RNF141: variants seen among roughly 807,000 people sequenced by gnomAD.
RNF141 encodes the protein C3HC4-like zinc finger protein.
Under a neutral mutation model 27.4 loss-of-function variants are expected in RNF141, and 18 were observed. That is an observed-to-expected ratio of 0.66 (90% CI 0.45 to 0.97). The LOEUF (loss-of-function observed/expected upper bound fraction) is 0.97. RNF141 is among the 50% of genes least tolerant of loss of function. RNF141 has a pLI of 0.00. For missense variants in RNF141, 230 were observed against 279.4 expected (o/e 0.82, Z 1.26); for synonymous variants, 97 against 96.6 (o/e 1.00, Z -0.02).
intron 5 of RNF141, chr11:10,516,170 A>G (rs942398734): frequency 6.6e-6 from 1 of 152,246 alleles, no homozygotes; most frequent in Non-Finnish European, 1.5e-5. Flanking sequence ...CTAGTTCTTC[A>G]GAGGTATTTT....
At chr11:10,529,412 C>T (rs907689153) in intron 3 of RNF141, among the ~76,000 whole-genome samples, 11 of 152,094 alleles carry the variant, frequency 7.2e-5, no homozygotes, top group Admixed American at 7.2e-4. Context: ...GAATGGACAT[C>T]CTAGTTGAGA....
chr11:10,523,489 T>A (rs1386690063), intron 4 of RNF141, among the ~76,000 whole-genome samples: 2 of 152,224 alleles, frequency 1.3e-5, no homozygotes, highest in African/African-American at 4.8e-5. Context: ...ACCCTGTAAG[T>A]AATCAATAAA....
chr11:10,533,008 G>A (rs1263883543), intron 2 of RNF141, among the ~76,000 whole-genome samples: 3 of 152,162 alleles, frequency 2.0e-5, no homozygotes, highest in African/African-American at 4.8e-5. Flanking sequence ...CACATACTAT[G>A]TGCTTAGTGA....
intron 4 of RNF141, among the ~76,000 whole-genome samples, chr11:10,521,916 T>G (rs1276293288): frequency 1.3e-5 from 2 of 152,300 alleles, no homozygotes; most frequent in East Asian, 3.9e-4. Context: ...GAACGTGTCC[T>G]GACAAGCAAA....
chr11:10,534,808 T>C (rs1360300617), intron 1 of RNF141, among the ~76,000 whole-genome samples: 6 of 152,154 alleles, frequency 3.9e-5, no homozygotes, highest in Non-Finnish European at 7.4e-5. Context: ...TGGCTCACAA[T>C]ATATTTACAT....
chr11:10,519,750 CG>C (rs1374922955), intron 4 of RNF141, among the ~76,000 whole-genome samples: 1 of 146,842 alleles, frequency 6.8e-6, no homozygotes, highest in Non-Finnish European at 1.5e-5. Flanking sequence ...TGTGTAAATA[CG>C]GTATACAAGA....
chr11:10,534,225 G>T lies in RNF141; in HGVS notation c.-47-20C>A. On this transcript the variant is annotated intron_variant, in intron 1 of 5. Transcript: ENST00000265981. ...TAGTTTCTGTCAAATATACAGAAAA[G>T]TTACTTTTACATATTATACAAAAAC... 2 of 1,534,588 alleles carry T rather than the reference G, an allele frequency of 1.3e-6. No homozygotes were observed. Among genetic ancestry groups the T allele is most frequent in the Non-Finnish European group, 1.8e-6 (2 of 1,132,454 alleles).
chr11:10,531,914 G>C, intron 2 of RNF141: 2 of 396,324 alleles, frequency 5.0e-6, no homozygotes, highest in Admixed American at 6.5e-5. Flanking sequence ...TCCTGTATAG[G>C]TTTAATTCTA....
At chr11:10,535,025 T>C (rs1056332219) in intron 1 of RNF141, among the ~76,000 whole-genome samples, 6 of 151,882 alleles carry the variant, frequency 4.0e-5, no homozygotes, top group African/African-American at 1.2e-4. Context: ...ATATATCTAA[T>C]TATCAAGTTT....
At chr11:10,532,965 G>A (rs1383973193) in intron 2 of RNF141, among the ~76,000 whole-genome samples, 2 of 152,182 alleles carry the variant, frequency 1.3e-5, no homozygotes, top group African/African-American at 4.8e-5. Flanking sequence ...TTGGCCCTCA[G>A]TTAAAAGGTC....
chr11:10,525,083 A>AG (rs1216153685), intron 4 of RNF141, 109 bp downstream of exon 4: 1 of 871,386 alleles, frequency 1.1e-6, no homozygotes, highest in Non-Finnish European at 1.7e-6. Flanking sequence ...CCAACTGAGA[A>AG]AAAAAAAAGA....
chr11:10,522,615 A>G (rs1053967696), intron 4 of RNF141, among the ~76,000 whole-genome samples: 3 of 152,240 alleles, frequency 2.0e-5, no homozygotes, highest in African/African-American at 7.2e-5. Context: ...CCTTGAGAAC[A>G]GAAGGTTCAG....
At chr11:10,515,166 G>A in intron 5 of RNF141, 100 bp from the exon 6 acceptor site, 1 of 1,290,324 alleles carries the variant, frequency 7.7e-7, no homozygotes. Context: ...AAAGGAAATA[G>A]CATAGAAATA....
At chr11:10,538,096 G>A (rs1232280911) in intron 1 of RNF141, among the ~76,000 whole-genome samples, 1 of 152,182 alleles carries the variant, frequency 6.6e-6, no homozygotes, top group Non-Finnish European at 1.5e-5. Flanking sequence ...GTTATTAATA[G>A]AAAATGATCC....
At chr11:10,525,004 C>T (rs559929140) in intron 4 of RNF141, among the ~76,000 whole-genome samples, 188 bp downstream of exon 4, 1 of 151,954 alleles carries the variant, frequency 6.6e-6, no homozygotes, top group East Asian at 1.9e-4. Context: ...CCTGCCAAGC[C>T]ACTTTAATTT....
At position 10,514,842 on chromosome 11, in the gene RNF141, C is replaced by T. The variant is rs538247424; in HGVS notation, c.*74G>A. 2.5e-4 allele frequency: 357 copies of T among 1,424,182 alleles called. 4 individuals carry two copies. The South Asian group carries it at 3.9e-3, about 16-fold the overall frequency. 88.2% of individuals were successfully genotyped at this position (1,424,182 alleles called of 1,614,324 possible). A position where few individuals can be genotyped will look rare whatever the true frequency, so the allele number is the denominator to read the frequency against. On this transcript the variant is annotated 3_prime_UTR_variant, in exon 6 of 6. Transcript: ENST00000265981. ...GGATTTTCCTGTGTCTGTGCCAGTG[C>T]CACAACCCTACATTCTTCCCCCATG...
intron 5 of RNF141, chr11:10,518,701 T>C (rs1849861891): frequency 1.1e-5 from 2 of 179,786 alleles, no homozygotes; most frequent in Non-Finnish European, 2.3e-5. Flanking sequence ...CAAGAATTTA[T>C]TCCTTCTAAA....
At chr11:10,531,899 C>G (rs1849989322) in intron 2 of RNF141, 2 of 312,284 alleles carry the variant, frequency 6.4e-6, no homozygotes, top group South Asian at 4.7e-5. Flanking sequence ...AGCTGCCAAG[C>G]TTCGTCCTGT....
intron 4 of RNF141, among the ~76,000 whole-genome samples, chr11:10,522,517 A>G (rs942126011): frequency 3.3e-5 from 5 of 152,216 alleles, no homozygotes; most frequent in Non-Finnish European, 7.3e-5. Context: ...AGGCACACAT[A>G]CTGACAGAGA....
Sources: gnomAD v4.1 joint callset for allele counts (sites outside exome capture counted in the v4.1 genomes callset) on GRCh38, gnomAD v4.1.1 for gene constraint, MANE v1.5 for transcripts, NCBI Gene and HGNC (gene_info 2026-07-23, HGNC 2026-07-21) for gene names.